The following BFAR variants were observed in gnomAD, a reference collection of about 807,000 sequenced individuals.
BFAR encodes the protein RING finger protein 47.
A neutral mutation model predicts 54.4 loss-of-function variants in BFAR; 52 were observed. The observed-to-expected ratio is 0.96, with a 90% CI of 0.77 to 1.21. The LOEUF is 1.21. BFAR is among the 50% of genes most tolerant of loss of function. The pLI is 0.00. For missense variants in BFAR, 571 were observed against 534.0 expected (o/e 1.07, Z -0.68); for synonymous variants, 215 against 204.3 (o/e 1.05, Z -0.45).
At chr16:14,648,711 T>G in intron 3 of BFAR, 119 bp downstream of exon 3, 1 of 747,996 alleles carries the variant, frequency 1.3e-6, no homozygotes, top group Non-Finnish European at 2.2e-6. Flanking sequence ...CTCCATGTAA[T>G]TTACTACGTA....
chr16:14,662,902 G>A (rs1408809136), intron 6 of BFAR, among the ~76,000 whole-genome samples: 1 of 152,014 alleles, frequency 6.6e-6, no homozygotes, highest in Non-Finnish European at 1.5e-5. Context: ...CCCTTTTAAG[G>A]GCTCACAACT....
chr16:14,654,710 G>T (rs1469990064), intron 4 of BFAR, among the ~76,000 whole-genome samples: 2 of 151,982 alleles, frequency 1.3e-5, no homozygotes, highest in African/African-American at 4.8e-5. Context: ...GGCTGGGCTG[G>T]TGTTAAACAC....
chr16:14,653,459 C>T (rs2151840749), intron 4 of BFAR, among the ~76,000 whole-genome samples: 1 of 152,180 alleles, frequency 6.6e-6, no homozygotes, highest in South Asian at 2.1e-4. Flanking sequence ...TCCTGAGTAG[C>T]TGGGATTACA....
chr16:14,655,763 G>T (rs1960112630), intron 5 of BFAR, among the ~76,000 whole-genome samples: 1 of 152,144 alleles, frequency 6.6e-6, no homozygotes, highest in South Asian at 2.1e-4. Flanking sequence ...AATAAGGAAA[G>T]AGACACTTAC....
chr16:14,634,434 T>C (rs976062613), intron 1 of BFAR, among the ~76,000 whole-genome samples: 1 of 152,240 alleles, frequency 6.6e-6, no homozygotes, highest in Non-Finnish European at 1.5e-5. Flanking sequence ...ACTAAGTAGG[T>C]AGCCATCACT....
chr16:14,667,753 C>T lies in BFAR; in HGVS notation c.1279C>T (p.Leu427=). The T allele has an allele frequency of 2.5e-6, 4 of 1,614,130 alleles. No individual in the cohort carries two copies. Among genetic ancestry groups the T allele is most frequent in the Non-Finnish European group, 3.4e-6 (4 of 1,180,002 alleles). The change falls in exon 8 of 8, where the codon CTG becomes TTG. Residue 427 remains leucine, a synonymous_variant. Coordinates refer to ENST00000261658, the MANE Select transcript of BFAR (RefSeq NM_016561.3). Reference sequence around the variant, plus strand: ...TTGCAACTGTTTGTTTTACTGGGCCCTGTACTTTAACCCAATTATTAACAT... The same window carrying T: ...TTGCAACTGTTTGTTTTACTGGGCCTTGTACTTTAACCCAATTATTAACAT... ...FVCNCLFYWA[L]YFNPIINIDL...
chr16:14,662,762 C>T (rs941646950), intron 6 of BFAR, among the ~76,000 whole-genome samples: 9 of 152,128 alleles, frequency 5.9e-5, no homozygotes, highest in Admixed American at 3.3e-4. Flanking sequence ...AAACCATCCT[C>T]CTGTAGCAGG....
chr16:14,655,166 A>C lies in BFAR; in HGVS notation c.739A>C (p.Lys247Gln). ...RAILMELERV[K>Q]ALGVKPPQNL... ...CATCCTCATGGAGCTAGAACGTGTC[A>C]AAGCATTAGGCGTGAAGCCCCCCCA... The change falls in exon 5 of 8, where the codon AAA (lysine) becomes CAA (glutamine). Residue 247 changes from lysine to glutamine, a missense_variant. Lys to Gln is a moderately conservative substitution (Grantham distance 53). Transcript: ENST00000261658. The C allele has an allele frequency of 6.2e-7, 1 of 1,602,462 alleles. No individual in the cohort carries two copies. The highest frequency in any genetic ancestry group is 8.5e-7 in the Non-Finnish European group (1 of 1,174,564).
intron 3 of BFAR, 88 bp downstream of exon 3, chr16:14,648,680 C>A: frequency 1.1e-6 from 1 of 949,410 alleles, no homozygotes; most frequent in Admixed American, 2.2e-5. Flanking sequence ...GTTGAAATCA[C>A]TGAAATAATT....
At chr16:14,638,083 C>A (rs553252694) in intron 1 of BFAR, among the ~76,000 whole-genome samples, 1 of 152,156 alleles carries the variant, frequency 6.6e-6, no homozygotes, top group Admixed American at 6.6e-5. Flanking sequence ...TTACACTGAA[C>A]CTTCTTGCTG....
chr16:14,646,586 C>T (rs1959803367), intron 2 of BFAR, among the ~76,000 whole-genome samples: 1 of 151,650 alleles, frequency 6.6e-6, no homozygotes, highest in Admixed American at 6.6e-5. Flanking sequence ...GCAACCTCCG[C>T]CTCCCAGGTT....
chr16:14,635,671 T>A (rs992367099), intron 1 of BFAR, among the ~76,000 whole-genome samples: 1 of 152,058 alleles, frequency 6.6e-6, no homozygotes, highest in African/African-American at 2.4e-5. Context: ...TTTGCTCCAC[T>A]GGTTTCTGAC....
chr16:14,664,390 CAA>C (rs753783830), intron 6 of BFAR, among the ~76,000 whole-genome samples: 8 of 58,118 alleles, frequency 1.4e-4, no homozygotes, highest in Middle Eastern at 8.9e-3. Flanking sequence ...GACTCCGTCT[CAA>C]AAAAAAAAAA....
chr16:14,667,231 T>G (rs758205113), intron 7 of BFAR: 34 of 163,546 alleles, frequency 2.1e-4, no homozygotes, highest in Middle Eastern at 3.0e-3. Context: ...TGTGTGCCTG[T>G]GGTCCCAGCT....
At chr16:14,662,313 G>C (rs1311159326) in intron 6 of BFAR, among the ~76,000 whole-genome samples, 1 of 152,088 alleles carries the variant, frequency 6.6e-6, no homozygotes, top group Non-Finnish European at 1.5e-5. Flanking sequence ...TAATAACACA[G>C]AATTTTGAAA....
Position 14,644,545 on chromosome 16 carries a change from A to C in BFAR, c.199A>C (p.Lys67Gln). ...TGCTTTATGGTGGGCATCTTCAAAG[A>C]AAACAGAATGTCCAGAATGCAGAGA... ...CLALWWASSKKTECPECREKW... is the reference protein window; with the variant it reads ...CLALWWASSKQTECPECREKW... Residue 67 changes from lysine to glutamine, a missense_variant, in exon 2 of 8, where the codon AAA becomes CAA. Physicochemically the swap from Lys to Gln is moderately conservative, Grantham distance 53 (BLOSUM62 1). Coordinates refer to ENST00000261658, the MANE Select transcript of BFAR (RefSeq NM_016561.3). 1 of 1,614,156 alleles carries C rather than the reference A, an allele frequency of 6.2e-7. No individual in the cohort carries two copies. Among genetic ancestry groups the C allele is most frequent in the South Asian group, 1.1e-5 (1 of 91,082 alleles).
chr16:14,638,334 G>C (rs1032007962), intron 1 of BFAR, among the ~76,000 whole-genome samples: 5 of 152,194 alleles, frequency 3.3e-5, no homozygotes, highest in African/African-American at 9.7e-5. Context: ...AGTGATCCAT[G>C]ATTGCACCAC....
chr16:14,667,805 G>T lies in BFAR; in HGVS notation c.1331G>T (p.Arg444Leu), dbSNP rs770388546. The T allele has an allele frequency of 6.2e-7, 1 of 1,614,018 alleles. No individual in the cohort carries two copies. The highest frequency in any genetic ancestry group is 8.5e-7 in the Non-Finnish European group (1 of 1,180,042). ...NIDLVVKELR[R>L]LETQVL ...GATCTTGTGGTCAAGGAACTCCGGC[G>T]GCTGGAAACCCAGGTGTTGTGACTG... Residue 444 changes from arginine (R) to leucine (L), a missense_variant, in exon 8 of 8, where the codon CGG (arginine) becomes CTG (leucine). Coordinates refer to ENST00000261658, the MANE Select transcript of BFAR (RefSeq NM_016561.3).
chr16:14,648,619 G>GC (rs759981878), intron 3 of BFAR, 27 bp downstream of exon 3: 40 of 1,569,262 alleles, frequency 2.5e-5, no homozygotes, highest in African/African-American at 1.8e-4. Flanking sequence ...GTTCCTCTGT[G>GC]CCCCCCCACA....
Sources: gnomAD v4.1 joint callset for allele counts (sites outside exome capture counted in the v4.1 genomes callset) on GRCh38, gnomAD v4.1.1 for gene constraint, MANE v1.5 for transcripts, NCBI Gene and HGNC (gene_info 2026-07-23, HGNC 2026-07-21) for gene names.